Variants in WDR25 observed in about 807,000 individuals in gnomAD.
The protein encoded by WDR25 is WD repeat domain 25, also known as WD repeat-containing protein 25.
In WDR25, 35 loss-of-function variants were observed where a neutral mutation model predicts 47.7. The observed-to-expected ratio is 0.73, with a 90% CI of 0.56 to 0.97. The LOEUF is 0.97. Among genes scored for constraint, WDR25 ranks in the 50% least tolerant of loss-of-function variants. WDR25 has a pLI of 0.00. For missense variants in WDR25, 634 were observed against 704.7 expected, an observed-to-expected ratio of 0.90 and a Z score of 1.14; for synonymous variants, 248 against 278.9, an observed-to-expected ratio of 0.89 and a Z score of 1.10.
rs760262359 is a variant in WDR25 at position 100,523,727 on chromosome 14, C to T, written c.1102-2143C>T. 8.9e-4 allele frequency among the ~76,000 whole-genome samples: 136 copies of T among 152,050 alleles called. 1 individual carries two copies. The highest frequency in any genetic ancestry group is 1.6e-4 in the Non-Finnish European group (11 of 68,014). ...GGTGGGCAGATTGTAGGGACATAACCCCTGCATGTGTCATGATCGATCTTC... is the reference window on the plus strand; with the variant it reads ...GGTGGGCAGATTGTAGGGACATAACTCCTGCATGTGTCATGATCGATCTTC... On this transcript the variant is annotated intron_variant, in intron 4 of 6. Coordinates refer to ENST00000402312, the MANE Select transcript of WDR25 (RefSeq NM_001161476.3). This position sits in a 1 kb window ranked among gnomAD's most constrained non-coding sequence, Gnocchi z 4.7.
rs1897447641 is a variant in WDR25, at chr14:100,403,682, G to A, written c.822+21936G>A. 3.3e-5 allele frequency among the ~76,000 whole-genome samples: 5 copies of A among 152,224 alleles called. No individual in the cohort carries two copies. In the South Asian group the frequency reaches 1.0e-3, roughly 32 times the overall value. ...GCAATGATAATGTAAAATCAGTGTG[G>A]AGGTGTGATTCCATTAATAGATTGC... On this transcript the variant is annotated intron_variant, in intron 2 of 6. Coordinates refer to ENST00000402312, the MANE Select transcript of WDR25 (RefSeq NM_001161476.3).
intron 3 of WDR25, among the ~76,000 whole-genome samples, chr14:100,472,207 T>C (rs763402690): frequency 2.6e-5 from 4 of 152,252 alleles, no homozygotes; most frequent in Non-Finnish European, 5.9e-5. Context: ...CCTGGAGCCC[T>C]GGAGCCCCGG....
intron 4 of WDR25, among the ~76,000 whole-genome samples, chr14:100,491,816 T>C (rs1900576779): frequency 6.6e-6 from 1 of 152,188 alleles, no homozygotes; most frequent in South Asian, 2.1e-4. Context: ...GGGACAGTGG[T>C]GGGTTTTGTT....
At chr14:100,427,270 C>T (rs1307998421) in intron 2 of WDR25, among the ~76,000 whole-genome samples, 1 of 152,098 alleles carries the variant, frequency 6.6e-6, no homozygotes, top group East Asian at 1.9e-4. Flanking sequence ...CCACGAAGCC[C>T]TCCATGCCCC....
intron 3 of WDR25, among the ~76,000 whole-genome samples, chr14:100,469,056 A>G (rs1240269641): frequency 6.6e-6 from 1 of 152,000 alleles, no homozygotes; most frequent in Non-Finnish European, 1.5e-5. Context: ...GCTGGGCTCC[A>G]CTGCCAGGAG....
At chr14:100,455,845 T>C (rs1166775393) in intron 2 of WDR25, among the ~76,000 whole-genome samples, 1 of 152,210 alleles carries the variant, frequency 6.6e-6, no homozygotes, top group African/African-American at 2.4e-5. Flanking sequence ...TTGTTATCTA[T>C]GACACAGTGG....
At chr14:100,401,738 G>A (rs768335924) in intron 2 of WDR25, among the ~76,000 whole-genome samples, 2 of 152,214 alleles carry the variant, frequency 1.3e-5, no homozygotes, top group Non-Finnish European at 2.9e-5. Flanking sequence ...GAGAGCCTGA[G>A]AGGCAGTGGG....
intron 2 of WDR25, among the ~76,000 whole-genome samples, chr14:100,426,274 T>G (rs1173401133): frequency 6.6e-6 from 1 of 152,248 alleles, no homozygotes; most frequent in Non-Finnish European, 1.5e-5. Flanking sequence ...CTTTTCTTTG[T>G]TTTTCTTTTT....
chr14:100,431,588 C>T (rs1335806826), intron 2 of WDR25, among the ~76,000 whole-genome samples: 8 of 151,628 alleles, frequency 5.3e-5, no homozygotes, highest in Non-Finnish European at 1.5e-5. Flanking sequence ...GCTCTGTTGC[C>T]CAGGCTGGAG....
At chr14:100,507,623 T>C (rs947378563) in intron 4 of WDR25, among the ~76,000 whole-genome samples, 2 of 152,000 alleles carry the variant, frequency 1.3e-5, no homozygotes, top group Non-Finnish European at 2.9e-5. Flanking sequence ...TTTCACCTTC[T>C]TGGTTAGATG....
chr14:100,437,671 TTAG>T (rs1245109994), intron 2 of WDR25, among the ~76,000 whole-genome samples: 1 of 152,148 alleles, frequency 6.6e-6, no homozygotes, highest in Non-Finnish European at 1.5e-5. Flanking sequence ...ATTATTAGTA[TTAG>T]TAGTATTACT....
In WDR25 at chr14:100,428,334, C is replaced by G. The variant is rs1266172674; in HGVS notation, c.823-39687C>G. ...TGACTGAGCTGGGCGTTGTCCTTTC[C>G]TCTTCCTGGTGTGTGTAGCGAGCCT... On this transcript the variant is annotated intron_variant, in intron 2 of 6. Transcript: ENST00000402312. The surrounding 1 kb of genome is among the most constrained non-coding windows in gnomAD (Gnocchi z 4.3). Among the ~76,000 whole-genome samples the G allele has an allele frequency of 6.6e-6, 1 of 152,192 alleles. No individual in the cohort carries two copies. The highest frequency in any genetic ancestry group is 2.4e-5 in the African/African-American group (1 of 41,448).
At chr14:100,397,540 A>G (rs1052495378) in intron 2 of WDR25, among the ~76,000 whole-genome samples, 4 of 152,210 alleles carry the variant, frequency 2.6e-5, no homozygotes, top group Non-Finnish European at 5.9e-5. Flanking sequence ...TCATTGAAAG[A>G]AACAGGTGGA....
At chr14:100,464,949 A>G (rs1015634068) in intron 2 of WDR25, among the ~76,000 whole-genome samples, 1 of 120,476 alleles carries the variant, frequency 8.3e-6, no homozygotes, top group Non-Finnish European at 1.7e-5. Context: ...CCCCTACTCC[A>G]TCTCCTCTCC....
At chr14:100,382,860 A>G (rs562490879) in intron 2 of WDR25, among the ~76,000 whole-genome samples, 1 of 152,332 alleles carries the variant, frequency 6.6e-6, no homozygotes, top group South Asian at 2.1e-4. Context: ...CATTTGTAAA[A>G]GGGCAAAATC....
rs531937178 is a variant in WDR25, at chr14:100,449,346, C to T, written c.823-18675C>T. On this transcript the variant is annotated intron_variant, in intron 2 of 6. Transcript: ENST00000402312. The surrounding 1 kb of genome is among the most constrained non-coding windows in gnomAD (Gnocchi z 4.2). The stretch of plus-strand genomic sequence containing the variant: ...TTGGAGCCTGGCTACAGGGCTGCCC[C>T]GGGAGGCCTCCTTTGGGAGCAGAGA... 7.9e-5 allele frequency among the ~76,000 whole-genome samples: 12 copies of T among 152,356 alleles called. No individual in the cohort carries two copies. The highest frequency in any genetic ancestry group is 1.9e-4 in the East Asian group (1 of 5,186).
Position 100,381,743 on chromosome 14 carries a change from C to T in WDR25, c.819C>T (p.Phe273=). 1 of 1,592,410 alleles carries T rather than the reference C, an allele frequency of 6.3e-7. No individual in the cohort carries two copies. The highest frequency in any genetic ancestry group is 8.5e-7 in the Non-Finnish European group (1 of 1,169,698). ...MLLSTSMDKT[F]KVWNAVDSGH... is the part of the protein sequence containing the mutation. ...TCTCCACTTCTATGGATAAAACTTT[C>T]AAGGTAAGACTTGAATGAAAACTTC... is the stretch of plus-strand genomic sequence containing the variant. The change falls in exon 2 of 7, where the codon TTC becomes TTT. Residue 273 remains phenylalanine, a synonymous_variant. Coordinates refer to ENST00000402312, the MANE Select transcript of WDR25 (RefSeq NM_001161476.3).
At chr14:100,387,785 G>C (rs111450895) in intron 2 of WDR25, among the ~76,000 whole-genome samples, 3 of 152,354 alleles carry the variant, frequency 2.0e-5, no homozygotes, top group African/African-American at 7.2e-5. Flanking sequence ...CTGAGAATAA[G>C]GGATGGAAAA....
rs1595525291 is a variant in WDR25, at chr14:100,425,407, G to A, written c.823-42614G>A. 6.6e-6 allele frequency among the ~76,000 whole-genome samples: 1 copy of A among 152,384 alleles called. No individual in the cohort carries two copies. The highest frequency in any genetic ancestry group is 2.1e-4 in the South Asian group (1 of 4,834). ...TACAAATGTTGCCATAGGTTGCAGA[G>A]CTAAAAATTAGGGAGGCTAGGATTT... On this transcript the variant is annotated intron_variant, in intron 2 of 6. Coordinates refer to ENST00000402312, the MANE Select transcript of WDR25 (RefSeq NM_001161476.3). The surrounding 1 kb of genome is among the most constrained non-coding windows in gnomAD (Gnocchi z 4.8).
Sources: gnomAD v4.1 joint callset for allele counts (sites outside exome capture counted in the v4.1 genomes callset) on GRCh38, gnomAD v4.1.1 for gene constraint, Gnocchi (gnomAD v3.1) non-coding constraint, MANE v1.5 for transcripts, NCBI Gene and HGNC (gene_info 2026-07-23, HGNC 2026-07-21) for gene names.